The following SYN3 variants were observed in gnomAD, a reference collection of about 807,000 sequenced individuals.
SYN3 encodes the protein synapsin III, also known as synapsin-3.
In SYN3, 35 loss-of-function variants were observed where a neutral mutation model predicts 65.8. The observed-to-expected ratio is 0.53, with a 90% CI of 0.41 to 0.70. The LOEUF (loss-of-function observed/expected upper bound fraction) is 0.70, where lower values mean the gene tolerates loss of function less well. Among genes scored for constraint, SYN3 ranks in the 30% least tolerant of loss-of-function variants. The probability of loss-of-function intolerance (pLI) is 0.00; values close to 1 mark genes in which losing one functional copy is unlikely to be tolerated. For missense variants in SYN3, 680 were observed against 749.0 expected (o/e 0.91, Z 1.08); for synonymous variants, 270 against 292.9 (o/e 0.92, Z 0.80).
At chr22:32,863,602 C>T (rs967272089) in intron 6 of SYN3, among the ~76,000 whole-genome samples, 11 of 152,156 alleles carry the variant, frequency 7.2e-5, no homozygotes, top group African/African-American at 2.2e-4. Flanking sequence ...GCTGCAGACC[C>T]CTCGCCTGAC....
chr22:32,600,358 C>T (rs1016156441), intron 6 of SYN3, among the ~76,000 whole-genome samples: 3 of 152,072 alleles, frequency 2.0e-5, no homozygotes, highest in Admixed American at 6.5e-5. Flanking sequence ...GGCGGTCGTG[C>T]GAGTGATGCA....
chr22:32,997,992 A>C (rs927360628), intron 2 of SYN3, among the ~76,000 whole-genome samples: 12 of 146,670 alleles, frequency 8.2e-5, no homozygotes, highest in African/African-American at 3.1e-4. Context: ...GAACCACTGC[A>C]CTCCAGCCTG....
chr22:33,018,818 G>A (rs1277894963), intron 1 of SYN3, among the ~76,000 whole-genome samples: 1 of 152,178 alleles, frequency 6.6e-6, no homozygotes, highest in African/African-American at 2.4e-5. Flanking sequence ...CCGGAACCCT[G>A]TGACCCATCC....
chr22:32,536,160 C>T (rs1013025875), intron 9 of SYN3, among the ~76,000 whole-genome samples: 5 of 152,178 alleles, frequency 3.3e-5, no homozygotes, highest in Non-Finnish European at 5.9e-5. Flanking sequence ...GCTCACATTC[C>T]GGAAGGGCCA....
At chr22:32,555,761 G>A (rs1192958293) in intron 7 of SYN3, among the ~76,000 whole-genome samples, 2 of 152,152 alleles carry the variant, frequency 1.3e-5, no homozygotes, top group African/African-American at 2.4e-5. Context: ...ACAAATGGAT[G>A]CTTGTTTTCC....
At chr22:32,946,070 A>G (rs1017584302) in intron 3 of SYN3, among the ~76,000 whole-genome samples, 1 of 152,228 alleles carries the variant, frequency 6.6e-6, no homozygotes. Flanking sequence ...GTGGAGAAAT[A>G]GGAACACTTT....
chr22:32,530,392 G>A (rs1417982446), intron 10 of SYN3, among the ~76,000 whole-genome samples: 2 of 152,176 alleles, frequency 1.3e-5, no homozygotes, highest in African/African-American at 4.8e-5. Flanking sequence ...GGTCAAAGAA[G>A]TGGCAAGGTC....
intron 1 of SYN3, among the ~76,000 whole-genome samples, chr22:33,049,391 G>A (rs1482764548): frequency 6.6e-6 from 1 of 152,186 alleles, no homozygotes; most frequent in South Asian, 2.1e-4. Context: ...CACTGCTGCA[G>A]CTAGCTTTGC....
At chr22:32,931,327 G>C in intron 4 of SYN3, 63 bp downstream of exon 4, 5 of 1,086,478 alleles carry the variant, frequency 4.6e-6, no homozygotes, top group South Asian at 1.3e-5. Context: ...ACGGAGGGGT[G>C]GGCTACATGA....
At chr22:32,641,330 C>T (rs1354148387) in intron 6 of SYN3, among the ~76,000 whole-genome samples, 3 of 151,996 alleles carry the variant, frequency 2.0e-5, no homozygotes, top group Admixed American at 6.6e-5. Flanking sequence ...GTTCTGGGGC[C>T]GGGCGCGGTG....
At chr22:32,944,931 C>T (rs533741625) in intron 3 of SYN3, among the ~76,000 whole-genome samples, 3 of 152,170 alleles carry the variant, frequency 2.0e-5, no homozygotes, top group African/African-American at 7.2e-5. Context: ...TGAGTAAACT[C>T]CCATTCACAA....
At chr22:32,911,314 G>A (rs1451695346) in intron 4 of SYN3, among the ~76,000 whole-genome samples, 1 of 152,142 alleles carries the variant, frequency 6.6e-6, no homozygotes, top group East Asian at 1.9e-4. Flanking sequence ...TTAGAAAAAG[G>A]GCAGGGGCAG....
chr22:32,813,486 T>TACACACACACACACAC (rs130277), intron 6 of SYN3, among the ~76,000 whole-genome samples: 1 of 138,186 alleles, frequency 7.2e-6, no homozygotes, highest in African/African-American at 2.8e-5. Flanking sequence ...TCTGAAAAGA[T>TACACACACACACACAC]ACACACACAC....
intron 1 of SYN3, among the ~76,000 whole-genome samples, chr22:33,043,767 G>A (rs1464247968): frequency 6.6e-6 from 1 of 151,270 alleles, no homozygotes; most frequent in African/African-American, 2.4e-5. Flanking sequence ...AAAGTGCATT[G>A]AACTGGGTCA....
intron 6 of SYN3, among the ~76,000 whole-genome samples, chr22:32,811,443 C>T (rs773204833): frequency 2.2e-4 from 33 of 152,114 alleles, no homozygotes; most frequent in Admixed American, 1.5e-3. Flanking sequence ...AGGAAAATGG[C>T]GCTCTGTGGT....
chr22:32,650,255 C>T (rs1437628522), intron 6 of SYN3, among the ~76,000 whole-genome samples: 46 of 111,570 alleles, frequency 4.1e-4, no homozygotes, highest in South Asian at 1.4e-3. Context: ...CCCTCCCTCC[C>T]TCCCTCTCTC....
rs2057695313 is a variant in SYN3 at position 32,511,912 on chromosome 22, G to A, written c.*1780C>T. 6.6e-6 allele frequency among the ~76,000 whole-genome samples: 1 copy of A among 152,182 alleles called. No homozygotes were observed. Among genetic ancestry groups the A allele is most frequent in the African/African-American group, 2.4e-5 (1 of 41,434 alleles). On this transcript the variant is annotated 3_prime_UTR_variant, in exon 14 of 14. Transcript: ENST00000358763. ...AAATCCAGACCTGATCATGAGTGAG[G>A]GAAGAGGGCAATGTGAAGAGGACTG...
chr22:32,988,756 G>T (rs905998644), intron 2 of SYN3, among the ~76,000 whole-genome samples: 15 of 152,154 alleles, frequency 9.9e-5, no homozygotes, highest in African/African-American at 3.4e-4. Context: ...GGGCTGCAAA[G>T]ATGAGTGCAG....
At chr22:32,774,373 T>C (rs769790629) in intron 6 of SYN3, among the ~76,000 whole-genome samples, 1 of 152,030 alleles carries the variant, frequency 6.6e-6, no homozygotes, top group Non-Finnish European at 1.5e-5. Context: ...CGTGTGATGA[T>C]GGAGGTAGAG....
Sources: allele counts gnomAD v4.1 joint callset (sites outside exome capture counted in the v4.1 genomes callset), GRCh38; gene constraint gnomAD v4.1.1; transcripts MANE v1.5; gene names NCBI Gene and HGNC (gene_info 2026-07-23, HGNC 2026-07-21).